The following MTHFD1 variants were observed in gnomAD, a reference collection of about 807,000 sequenced individuals.
The protein encoded by MTHFD1 is methylenetetrahydrofolate dehydrogenase, cyclohydrolase and formyltetrahydrofolate synthetase 1, also known as C-1-tetrahydrofolate synthase, cytoplasmic.
Under a neutral mutation model 110.3 loss-of-function variants are expected in MTHFD1, and 44 were observed. That is an observed-to-expected ratio of 0.40 (90% CI 0.31 to 0.51). The LOEUF is 0.51. Among genes scored for constraint, MTHFD1 ranks in the 20% least tolerant of loss-of-function variants. MTHFD1 has a pLI of 0.60. For synonymous variants in MTHFD1, 402 were observed against 428.8 expected, an observed-to-expected ratio of 0.94 and a Z score of 0.77; for missense variants, 909 against 1,173.1, an observed-to-expected ratio of 0.77 and a Z score of 3.29.
intron 24 of MTHFD1, among the ~76,000 whole-genome samples, chr14:64,452,820 G>T (rs1349547483): frequency 2.0e-5 from 3 of 151,982 alleles, no homozygotes; most frequent in African/African-American, 7.3e-5. Context: ...CCCCAGGTCT[G>T]GTTTGACAGG....
In MTHFD1 at chr14:64,441,965, G is replaced by A. The variant is rs555919200; in HGVS notation, c.1885-89G>A. ...CCCTCTGGGAAGTATTCTTCCTTCC[G>A]ATTCCAAATCAATTCCATACCGTTG... On this transcript the variant is annotated intron_variant, in intron 19 of 27. Coordinates refer to ENST00000652337, the MANE Select transcript of MTHFD1 (RefSeq NM_005956.4). 5.7e-5 allele frequency: 50 copies of A among 877,536 alleles called. 2 individuals carry two copies. The African/African-American group carries it at 5.9e-4, about 10-fold the overall frequency. The allele number at this position is 877,536 out of a possible 1,614,324, so 54.4% of individuals were successfully genotyped here. A position where few individuals can be genotyped will look rare whatever the true frequency, so the allele number is the denominator to read the frequency against.
In MTHFD1 at chr14:64,388,483, T is replaced by C; in HGVS notation, c.41+15T>C. 1 of 1,611,946 alleles carries C rather than the reference T, an allele frequency of 6.2e-7. No homozygotes were observed. The highest frequency in any genetic ancestry group is 8.5e-7 in the Non-Finnish European group (1 of 1,178,834). The stretch of plus-strand genomic sequence containing the variant: ...GAGATCTCCGCGTAAGCACCTGACA[T>C]TGTTGTTGAGTGTGGGGCTGTGGAC... On this transcript the variant is annotated intron_variant, in intron 1 of 27. Transcript: ENST00000652337.
rs3825647 is a variant in MTHFD1 at position 64,412,782 on chromosome 14, C to T, written c.240+257C>T. On this transcript the variant is annotated intron_variant, in intron 4 of 27. Transcript: ENST00000652337. ...CCTCCCGAGTAGCTGGGATTACAGG[C>T]GCCCACCGCCTCACCTGGCTAATTT... Among the ~76,000 whole-genome samples the T allele has an allele frequency of 1.7e-3, 258 of 151,896 alleles. 12 individuals are homozygous for T. The East Asian group carries it at 0.034, about 20-fold the overall frequency.
chr14:64,429,261 A>AACATATAGATATATATATATATAT (rs11158541), intron 12 of MTHFD1, among the ~76,000 whole-genome samples: 1 of 108,220 alleles, frequency 9.2e-6, no homozygotes, highest in Non-Finnish European at 2.0e-5. Flanking sequence ...TGTCTAAAAA[A>AACATATAGATATATATATATATAT]ATATATATCT....
chr14:64,460,021 A>T lies in MTHFD1; in HGVS notation c.*267A>T. 1 of 1,122,008 alleles carries T rather than the reference A, an allele frequency of 8.9e-7. No homozygotes were observed. Among genetic ancestry groups the T allele is most frequent in the Non-Finnish European group, 1.3e-6 (1 of 789,700 alleles). 69.5% of individuals were successfully genotyped at this position (1,122,008 alleles called of 1,614,324 possible). A position where few individuals can be genotyped will look rare whatever the true frequency, so the allele number is the denominator to read the frequency against. On this transcript the variant is annotated 3_prime_UTR_variant, in exon 28 of 28. Coordinates refer to ENST00000652337, the MANE Select transcript of MTHFD1 (RefSeq NM_005956.4). Reference sequence around the variant, plus strand: ...AAGTTTGCCATCTTGGTGTTGCAATATGAATTACAGCCTTAACAGACTGTG... The same window carrying T: ...AAGTTTGCCATCTTGGTGTTGCAATTTGAATTACAGCCTTAACAGACTGTG...
intron 26 of MTHFD1, among the ~76,000 whole-genome samples, chr14:64,457,541 C>T (rs903254106): frequency 4.0e-5 from 6 of 151,652 alleles, no homozygotes; most frequent in Non-Finnish European, 7.4e-5. Context: ...CTGCAACCTC[C>T]GCCTCCCAGG....
chr14:64,423,307 A>G (rs2078089772), intron 8 of MTHFD1, among the ~76,000 whole-genome samples: 1 of 152,124 alleles, frequency 6.6e-6, no homozygotes, highest in African/African-American at 2.4e-5. Flanking sequence ...AGTAATGTAC[A>G]CATTTTCTCA....
intron 27 of MTHFD1, 79 bp from the exon 28 acceptor site, chr14:64,459,680 A>G (rs1291113441): frequency 4.9e-6 from 6 of 1,219,082 alleles, no homozygotes; most frequent in Non-Finnish European, 1.1e-6. Context: ...GTGAGTGGGT[A>G]ATGGTGCAGT....
chr14:64,449,741 C>T, intron 24 of MTHFD1, 119 bp downstream of exon 24: 9 of 1,203,304 alleles, frequency 7.5e-6, no homozygotes, highest in Non-Finnish European at 4.7e-6. Flanking sequence ...GGTTTGATTC[C>T]CACGTAGGTG....
chr14:64,412,790 G>C (rs1013613409), intron 4 of MTHFD1, among the ~76,000 whole-genome samples: 1 of 151,448 alleles, frequency 6.6e-6, no homozygotes, highest in African/African-American at 2.4e-5. Context: ...GGCGCCCACC[G>C]CCTCACCTGG....
In MTHFD1 at chr14:64,388,399, C is replaced by G. The variant is rs1363828789; in HGVS notation, c.-29C>G. 6.2e-7 allele frequency: 1 copy of G among 1,614,162 alleles called. No individual in the cohort carries two copies. The highest frequency in any genetic ancestry group is 1.7e-5 in the Admixed American group (1 of 60,012). ...AGTGGAACCTCGATATTGGTGGTGT[C>G]CATCGTGGGCAGCGGACTAATAAAG... On this transcript the variant is annotated 5_prime_UTR_variant, in exon 1 of 28. Coordinates refer to ENST00000652337, the MANE Select transcript of MTHFD1 (RefSeq NM_005956.4).
In MTHFD1 at chr14:64,435,491, AG is replaced by A. The variant is rs1458235946; in HGVS notation, c.1495-74del. ...CCTAGAGGGGATCCCATTTAGAGGT[AG>A]GGGTCAAAATTTTTGTCTTACGTTT... On this transcript the variant is annotated intron_variant, in intron 15 of 27. Coordinates refer to ENST00000652337, the MANE Select transcript of MTHFD1 (RefSeq NM_005956.4). 12 of 876,242 alleles carry A rather than the reference AG, an allele frequency of 1.4e-5. No homozygotes were observed. In the Admixed American group the frequency reaches 1.9e-4, roughly 14 times the overall value. The allele number at this position is 876,242 out of a possible 1,614,324, so 54.3% of individuals were successfully genotyped here.
chr14:64,432,384 A>G (rs143884305), intron 15 of MTHFD1, among the ~76,000 whole-genome samples: 2 of 152,378 alleles, frequency 1.3e-5, no homozygotes, highest in African/African-American at 4.8e-5. Context: ...AATCTCACCC[A>G]AAATAAATGA....
intron 15 of MTHFD1, among the ~76,000 whole-genome samples, chr14:64,433,773 G>A (rs2078181442): frequency 7.2e-6 from 1 of 138,398 alleles, no homozygotes; most frequent in Non-Finnish European, 1.5e-5. Context: ...GCTCATACCT[G>A]TAATCCCAGA....
At position 64,421,921 on chromosome 14, in the gene MTHFD1, A is replaced by G. The variant is rs147074908; in HGVS notation, c.727+1996A>G. On this transcript the variant is annotated intron_variant, in intron 8 of 27. Transcript: ENST00000652337. ...ATTACAGGCGTGAGCCACCGCACCC[A>G]GCAAGCTCAGTCTTTTTAAAACCTC... Among the ~76,000 whole-genome samples, 69 of 152,136 alleles carry G rather than the reference A, an allele frequency of 4.5e-4. 2 individuals carry two copies. In the East Asian group the frequency reaches 0.013, roughly 29 times the overall value.
At chr14:64,445,995 C>G (rs940241890) in intron 22 of MTHFD1, among the ~76,000 whole-genome samples, 2 of 152,130 alleles carry the variant, frequency 1.3e-5, no homozygotes, top group African/African-American at 4.8e-5. Context: ...ACCTTTTATC[C>G]TACCTATTTC....
At chr14:64,456,453 T>C (rs186937421) in intron 26 of MTHFD1, among the ~76,000 whole-genome samples, 7 of 152,312 alleles carry the variant, frequency 4.6e-5, no homozygotes, top group Admixed American at 1.3e-4. Flanking sequence ...ATATTGTCTT[T>C]TTTTGTATTT....
chr14:64,446,042 T>G (rs1318575554), intron 22 of MTHFD1, among the ~76,000 whole-genome samples: 1 of 152,218 alleles, frequency 6.6e-6, no homozygotes, highest in Non-Finnish European at 1.5e-5. Flanking sequence ...GTGCTGGGTT[T>G]TGCTCGATGA....
chr14:64,410,463 C>T (rs1042474855), intron 2 of MTHFD1, among the ~76,000 whole-genome samples: 2 of 151,866 alleles, frequency 1.3e-5, no homozygotes, highest in African/African-American at 2.4e-5. Flanking sequence ...TGGGCTCAAA[C>T]GATCCTCCTC....
Sources: allele counts gnomAD v4.1 joint callset (sites outside exome capture counted in the v4.1 genomes callset), GRCh38; gene constraint gnomAD v4.1.1; transcripts MANE v1.5; gene names NCBI Gene and HGNC (gene_info 2026-07-23, HGNC 2026-07-21).